INO80D: variants seen among roughly 807,000 people sequenced by gnomAD.
INO80D encodes INO80 complex subunit D.
In INO80D, 21 loss-of-function variants were observed where a neutral mutation model predicts 87.6. That is an observed-to-expected ratio of 0.24 (90% confidence interval 0.17 to 0.35). INO80D has a LOEUF of 0.35. Among genes scored for constraint, INO80D ranks in the 10% least tolerant of loss-of-function variants. The probability of loss-of-function intolerance (pLI) is 1.00; values close to 1 mark genes in which losing one functional copy is unlikely to be tolerated. For synonymous variants in INO80D, 440 were observed against 491.0 expected (o/e 0.90, Z 1.37); for missense variants, 982 against 1,280.7 (o/e 0.77, Z 3.56).
At chr2:206,036,826 G>A (rs184512452) in intron 5 of INO80D, among the ~76,000 whole-genome samples, 152 of 152,258 alleles carry the variant, frequency 1.0e-3, no homozygotes, top group African/African-American at 3.4e-3. Context: ...ATGATTATAC[G>A]ATTTTCTAAA....
intron 1 of INO80D, among the ~76,000 whole-genome samples, chr2:206,075,369 C>T (rs1690085516): frequency 6.6e-6 from 1 of 152,064 alleles, no homozygotes; most frequent in South Asian, 2.1e-4. Flanking sequence ...CACCATTTTT[C>T]TCTAATTGCC....
intron 5 of INO80D, among the ~76,000 whole-genome samples, chr2:206,031,641 G>A (rs993720048): frequency 2.0e-5 from 3 of 152,198 alleles, no homozygotes; most frequent in Non-Finnish European, 4.4e-5. Context: ...TTTACCCCTA[G>A]GACTGGCTTA....
chr2:206,040,009 A>G (rs1559447544), intron 5 of INO80D, among the ~76,000 whole-genome samples: 1 of 151,760 alleles, frequency 6.6e-6, no homozygotes, highest in African/African-American at 2.4e-5. Context: ...AAAAAAGCCC[A>G]GGCCCAGGCG....
chr2:206,024,617 G>A (rs1315602870), intron 6 of INO80D, among the ~76,000 whole-genome samples: 2 of 152,086 alleles, frequency 1.3e-5, no homozygotes, highest in Non-Finnish European at 2.9e-5. Flanking sequence ...ATATGCAACT[G>A]AAAATTAGGT....
chr2:206,040,196 C>T (rs1443660730), intron 5 of INO80D, among the ~76,000 whole-genome samples: 4 of 148,030 alleles, frequency 2.7e-5, no homozygotes, highest in African/African-American at 7.5e-5. Flanking sequence ...AGGAAACTGA[C>T]ACAGGAGAAT....
At chr2:206,030,446 G>C (rs1215185269) in intron 5 of INO80D, among the ~76,000 whole-genome samples, 1 of 147,914 alleles carries the variant, frequency 6.8e-6, no homozygotes, top group Non-Finnish European at 1.5e-5. Flanking sequence ...CTGGGTGACA[G>C]AGCAAGACTT....
At chr2:206,025,213 T>C (rs1296722034) in intron 6 of INO80D, among the ~76,000 whole-genome samples, 1 of 151,858 alleles carries the variant, frequency 6.6e-6, no homozygotes, top group East Asian at 1.9e-4. Context: ...TCTATATATG[T>C]ACTAAAAGTT....
chr2:206,011,908 G>A (rs545191127), intron 8 of INO80D, among the ~76,000 whole-genome samples: 6 of 152,292 alleles, frequency 3.9e-5, no homozygotes. Flanking sequence ...AGAGTATGAG[G>A]ATAAAACCTG....
intron 10 of INO80D, among the ~76,000 whole-genome samples, chr2:206,005,843 CTA>C (rs1472621491): frequency 1.3e-5 from 2 of 152,144 alleles, no homozygotes; most frequent in African/African-American, 4.8e-5. Context: ...CTCATGGTGA[CTA>C]TGTGATTATA....
intron 4 of INO80D, among the ~76,000 whole-genome samples, chr2:206,047,085 G>A (rs1426384838): frequency 6.7e-6 from 1 of 150,254 alleles, no homozygotes; most frequent in Non-Finnish European, 1.5e-5. Context: ...CCACACAATC[G>A]GGTTTTTAAA....
chr2:206,021,657 G>A (rs899006883), intron 6 of INO80D, among the ~76,000 whole-genome samples: 2 of 152,150 alleles, frequency 1.3e-5, no homozygotes, highest in Non-Finnish European at 2.9e-5. Context: ...TTGTTGCCCA[G>A]GCTGGAGTGC....
intron 8 of INO80D, among the ~76,000 whole-genome samples, chr2:206,010,062 T>TAC (rs144790541): frequency 0.039 from 5,772 of 149,066 alleles, 138 homozygotes; most frequent in East Asian, 0.064. Flanking sequence ...TGACACTGTC[T>TAC]ACACACACAC....
rs143548922 is a variant in INO80D at position 206,042,972 on chromosome 2, AAAAC to A, written c.1073+3528_1073+3531del. On this transcript the variant is annotated intron_variant, in intron 5 of 10. Coordinates refer to ENST00000403263, the MANE Select transcript of INO80D (RefSeq NM_017759.5). ...GGGTGATAGGGTAAGACCCTGACTC[AAAAC>A]AAACAAACAAACAAATTCCTTATGG... Among the ~76,000 whole-genome samples, 88 of 152,328 alleles carry A rather than the reference AAAAC, an allele frequency of 5.8e-4. 1 individual carries two copies. Among genetic ancestry groups the A allele is most frequent in the Admixed American group, 5.4e-3 (83 of 15,306 alleles).
Position 205,999,549 on chromosome 2 carries a change from A to T in INO80D, c.*4819T>A, listed in dbSNP as rs1559424554. On this transcript the variant is annotated 3_prime_UTR_variant, in exon 11 of 11. Coordinates refer to ENST00000403263, the MANE Select transcript of INO80D (RefSeq NM_017759.5). ...TTAGCTCTGTATCACAGTGCAGAGAAAAACTAACAAAAAAAAATAAGGGCT... is the reference window on the plus strand; with the variant it reads ...TTAGCTCTGTATCACAGTGCAGAGATAAACTAACAAAAAAAAATAAGGGCT... 7.2e-6 allele frequency: 1 copy of T among 138,284 alleles called. No individual in the cohort carries two copies. Among genetic ancestry groups the T allele is most frequent in the Non-Finnish European group, 1.7e-5 (1 of 59,572 alleles). 8.6% of individuals were successfully genotyped at this position (138,284 alleles called of 1,614,324 possible).
In INO80D at chr2:205,993,907, A is replaced by G. The variant is rs528193956; in HGVS notation, c.*10461T>C. The stretch of plus-strand genomic sequence containing the variant: ...CTTAAACAAATTAAACAAGGACCAG[A>G]TAACAAAAGGAGACCAATTCATTAT... On this transcript the variant is annotated 3_prime_UTR_variant, in exon 11 of 11. Transcript: ENST00000403263. 1 of 152,386 alleles carries G rather than the reference A, an allele frequency of 6.6e-6. No homozygotes were observed. Among genetic ancestry groups the G allele is most frequent in the African/African-American group, 2.4e-5 (1 of 41,596 alleles). 9.4% of individuals were successfully genotyped at this position (152,386 alleles called of 1,614,324 possible). A position where few individuals can be genotyped will look rare whatever the true frequency, so the allele number is the denominator to read the frequency against.
rs540924379 is a variant in INO80D, at chr2:206,004,680, A to G, written c.2772T>C (p.Thr924=). ...CAGGCTGTGTGGTCTCTGAGTTCGAAGTGGTGGGTGGCGTGGATAGGGAAG... is the reference window on the plus strand; with the variant it reads ...CAGGCTGTGTGGTCTCTGAGTTCGAGGTGGTGGGTGGCGTGGATAGGGAAG... ...LSTSLSTPPT[T]SNSETTQPAF... Residue 924 remains threonine, a synonymous_variant, in exon 11 of 11, where the codon ACT becomes ACC. Coordinates refer to ENST00000403263, the MANE Select transcript of INO80D (RefSeq NM_017759.5). This position sits in a 1 kb window ranked among gnomAD's most constrained non-coding sequence, Gnocchi z 4.9. 7 of 1,613,802 alleles carry G rather than the reference A, an allele frequency of 4.3e-6. No homozygotes were observed. In the South Asian group the frequency reaches 7.7e-5, roughly 18 times the overall value.
At chr2:206,069,946 T>C (rs183700112) in intron 1 of INO80D, among the ~76,000 whole-genome samples, 3 of 152,254 alleles carry the variant, frequency 2.0e-5, no homozygotes, top group Non-Finnish European at 2.9e-5. Flanking sequence ...AAGAGCAGAT[T>C]TGTGGAAACT....
intron 1 of INO80D, among the ~76,000 whole-genome samples, chr2:206,076,139 T>C (rs1020352530): frequency 6.6e-6 from 1 of 151,264 alleles, no homozygotes; most frequent in Non-Finnish European, 1.5e-5. Flanking sequence ...GCAGAAGGAT[T>C]ACTTGAGCCC....
In INO80D at chr2:206,067,759, ATTAG is replaced by A. The variant is rs1575877847; in HGVS notation, c.-123-4519_-123-4516del. ...CCAAACACACACGTATCTTTCACAA[ATTAG>A]TTCAAAGAAACCTATACGAACATCA... On this transcript the variant is annotated intron_variant, in intron 1 of 10. Coordinates refer to ENST00000403263, the MANE Select transcript of INO80D (RefSeq NM_017759.5). 2.0e-5 allele frequency among the ~76,000 whole-genome samples: 3 copies of A among 152,296 alleles called. No individual in the cohort carries two copies. The East Asian group carries it at 5.8e-4, about 29-fold the overall frequency.
Sources: gnomAD v4.1 joint callset for allele counts (sites outside exome capture counted in the v4.1 genomes callset) on GRCh38, gnomAD v4.1.1 for gene constraint, Gnocchi (gnomAD v3.1) non-coding constraint, MANE v1.5 for transcripts, NCBI Gene and HGNC (gene_info 2026-07-23, HGNC 2026-07-21) for gene names.